Variants in ITGB6 observed in about 807,000 individuals in gnomAD.
ITGB6 encodes the protein integrin beta-6.
ITGB6 carries 80 observed loss-of-function variants against 84.5 expected under a neutral mutation model. The ratio of observed to expected loss-of-function variants is 0.95; its 90% CI spans 0.79 to 1.14. ITGB6 has a LOEUF of 1.14. ITGB6 is among the 50% of genes most tolerant of loss of function. ITGB6 has a pLI of 0.00. For missense variants in ITGB6, 1,006 were observed against 968.0 expected (o/e 1.04, Z -0.52); for synonymous variants, 383 against 354.9 (o/e 1.08, Z -0.89).
At chr2:160,107,897 T>C (rs1394375391) in intron 13 of ITGB6, 52 bp from the exon 14 acceptor site, 1 of 1,446,586 alleles carries the variant, frequency 6.9e-7, no homozygotes, top group Non-Finnish European at 9.5e-7. Flanking sequence ...CATTTTGACA[T>C]CGGAAAGGCA....
chr2:160,110,208 A>T (rs1367521765), intron 13 of ITGB6, among the ~76,000 whole-genome samples: 1 of 152,202 alleles, frequency 6.6e-6, no homozygotes, highest in Non-Finnish European at 1.5e-5. Flanking sequence ...TAGCTCTGGC[A>T]CGTAATTACT....
intron 7 of ITGB6, among the ~76,000 whole-genome samples, chr2:160,168,397 G>A (rs750491776): frequency 7.2e-5 from 11 of 152,136 alleles, no homozygotes; most frequent in Non-Finnish European, 1.0e-4. Flanking sequence ...TCTGTATTTA[G>A]GAGCATTTGA....
At chr2:160,189,075 CA>C (rs1345027405) in intron 4 of ITGB6, among the ~76,000 whole-genome samples, 1 of 152,094 alleles carries the variant, frequency 6.6e-6, no homozygotes, top group Non-Finnish European at 1.5e-5. Flanking sequence ...TGATCTTTGA[CA>C]AACCTGACAA....
At chr2:160,119,328 A>G (rs1574049020) in intron 12 of ITGB6, among the ~76,000 whole-genome samples, 1 of 152,328 alleles carries the variant, frequency 6.6e-6, no homozygotes, top group East Asian at 1.9e-4. Flanking sequence ...ATATAGATCA[A>G]TGGGATAGAA....
chr2:160,144,465 C>G (rs946309646), intron 7 of ITGB6, among the ~76,000 whole-genome samples: 4 of 152,156 alleles, frequency 2.6e-5, no homozygotes, highest in African/African-American at 9.7e-5. Context: ...TGGTTAACAG[C>G]GAATACCTAC....
chr2:160,165,725 G>A (rs1684977878), intron 7 of ITGB6, among the ~76,000 whole-genome samples: 1 of 152,198 alleles, frequency 6.6e-6, no homozygotes, highest in South Asian at 2.1e-4. Context: ...GTGGGTACTT[G>A]CTCAGGGTGT....
At chr2:160,156,344 G>A (rs1684623328) in intron 7 of ITGB6, among the ~76,000 whole-genome samples, 1 of 152,082 alleles carries the variant, frequency 6.6e-6, no homozygotes, top group African/African-American at 2.4e-5. Context: ...CCTTCCTCAG[G>A]AGCTGCAGTT....
rs772770914 is a variant in ITGB6 at position 160,112,127 on chromosome 2, G to A, written c.2054C>T (p.Thr685Ile). Residue 685 changes from threonine to isoleucine, a missense_variant, in exon 13 of 15, where the codon ACT becomes ATT. Physicochemically the swap from Thr to Ile is moderately conservative, Grantham distance 89. Coordinates refer to ENST00000283249, the MANE Select transcript of ITGB6 (RefSeq NM_000888.5). ...ENECLITFLI[T>I]TDNEGKTIIH... ...GATGGTTTTCCCCTCATTATCTGTA[G>A]TTATTAGGAATGTAATAAGACATTC... 2 of 1,612,700 alleles carry A rather than the reference G, an allele frequency of 1.2e-6. No homozygotes were observed. Among genetic ancestry groups the A allele is most frequent in the East Asian group, 2.2e-5 (1 of 44,870 alleles).
intron 10 of ITGB6, among the ~76,000 whole-genome samples, chr2:160,127,017 C>T (rs1298067100): frequency 6.6e-6 from 1 of 152,130 alleles, no homozygotes; most frequent in Admixed American, 6.5e-5. Context: ...GCACAGCTGA[C>T]CAACATTAAC....
chr2:160,193,163 T>C (rs1686206310), intron 4 of ITGB6, among the ~76,000 whole-genome samples: 1 of 152,200 alleles, frequency 6.6e-6, no homozygotes, highest in Admixed American at 6.5e-5. Flanking sequence ...TATACATCTA[T>C]ACAAAGACTT....
intron 10 of ITGB6, among the ~76,000 whole-genome samples, chr2:160,135,625 G>A (rs1391361168): frequency 2.0e-5 from 3 of 151,210 alleles, no homozygotes; most frequent in Non-Finnish European, 4.4e-5. Context: ...AACAAAGCTG[G>A]AGGCATCATG....
chr2:160,150,120 C>A (rs992693753), intron 7 of ITGB6, among the ~76,000 whole-genome samples: 2 of 152,172 alleles, frequency 1.3e-5, no homozygotes, highest in Non-Finnish European at 2.9e-5. Flanking sequence ...TACAAAGATA[C>A]TCCTCGAGAA....
At chr2:160,191,364 T>C (rs1686134377) in intron 4 of ITGB6, among the ~76,000 whole-genome samples, 1 of 152,190 alleles carries the variant, frequency 6.6e-6, no homozygotes, top group African/African-American at 2.4e-5. Flanking sequence ...TCCTTTGTAG[T>C]TAACTGTGGT....
At chr2:160,183,463 A>C (rs1265117113) in intron 4 of ITGB6, among the ~76,000 whole-genome samples, 2 of 152,220 alleles carry the variant, frequency 1.3e-5, no homozygotes, top group East Asian at 3.8e-4. Context: ...ATATGCACCC[A>C]ATACAGCAGA....
chr2:160,196,336 C>A lies in ITGB6; in HGVS notation c.226G>T (p.Glu76Ter), dbSNP rs764638718. 3.1e-6 allele frequency: 5 copies of A among 1,613,948 alleles called. No homozygotes were observed. In the South Asian group the frequency reaches 5.5e-5, roughly 18 times the overall value. Reference sequence around the variant, plus strand: ...ATTTCTACTTGGGAGACAGGGTTTTCGATGAAGTTTAATTGACATCCTTTA... The same window carrying A: ...ATTTCTACTTGGGAGACAGGGTTTTAGATGAAGTTTAATTGACATCCTTTA... ...LAKGCQLNFI[E>*]NPVSQVEILK... The change falls in exon 3 of 15, where the codon GAA (glutamate) becomes TAA (stop). Residue 76 changes from glutamate to a stop codon, truncating the protein, a stop_gained. Coordinates refer to ENST00000283249, the MANE Select transcript of ITGB6 (RefSeq NM_000888.5). LOFTEE classifies it high-confidence loss of function.
intron 14 of ITGB6, among the ~76,000 whole-genome samples, chr2:160,103,150 A>T (rs958024607): frequency 6.6e-6 from 1 of 152,162 alleles, no homozygotes; most frequent in African/African-American, 2.4e-5. Context: ...TCCATGAATT[A>T]TAGCTATGGT....
intron 10 of ITGB6, among the ~76,000 whole-genome samples, chr2:160,128,503 T>C (rs1021959536): frequency 4.6e-5 from 7 of 152,028 alleles, no homozygotes; most frequent in Non-Finnish European, 8.8e-5. Context: ...TTAGCATCAG[T>C]AGACAGGGTC....
At chr2:160,109,809 G>T (rs1205177845) in intron 13 of ITGB6, among the ~76,000 whole-genome samples, 1 of 152,132 alleles carries the variant, frequency 6.6e-6, no homozygotes, top group Non-Finnish European at 1.5e-5. Flanking sequence ...TGCACAATCT[G>T]GTAGCTCAAT....
intron 10 of ITGB6, among the ~76,000 whole-genome samples, chr2:160,136,645 C>T (rs1683737110): frequency 6.6e-6 from 1 of 152,132 alleles, no homozygotes; most frequent in Non-Finnish European, 1.5e-5. Context: ...AGACTTGGAA[C>T]CAACCCAAAT....
Sources: gnomAD v4.1 joint callset for allele counts (sites outside exome capture counted in the v4.1 genomes callset) on GRCh38, gnomAD v4.1.1 for gene constraint, MANE v1.5 for transcripts, NCBI Gene and HGNC (gene_info 2026-07-23, HGNC 2026-07-21) for gene names.